LAMB3: variants seen among roughly 807,000 people sequenced by gnomAD.
LAMB3 encodes the protein laminin subunit beta 3.
Under a neutral mutation model 140.3 loss-of-function variants are expected in LAMB3, and 104 were observed. That is an observed-to-expected ratio of 0.74 (90% CI 0.63 to 0.87). The LOEUF is 0.87. Among genes scored for constraint, LAMB3 ranks in the 40% least tolerant of loss-of-function variants. LAMB3 has a pLI of 0.00. For synonymous variants in LAMB3, 592 were observed against 602.9 expected (o/e 0.98, Z 0.26); for missense variants, 1,531 against 1,575.2 (o/e 0.97, Z 0.47).
intron 13 of LAMB3, 72 bp downstream of exon 13, chr1:209,626,795 C>A: frequency 9.3e-7 from 1 of 1,080,536 alleles, no homozygotes; most frequent in Non-Finnish European, 1.4e-6. Context: ...CAGACCTACA[C>A]GCCCCCACCA....
chr1:209,626,733 G>A, intron 13 of LAMB3, 134 bp downstream of exon 13: 1 of 727,992 alleles, frequency 1.4e-6, no homozygotes, highest in Middle Eastern at 3.6e-4. Context: ...GCACTCACAG[G>A]GCTGCCCAGG....
At chr1:209,636,784 C>T (rs1301978563) in intron 5 of LAMB3, among the ~76,000 whole-genome samples, 2 of 152,202 alleles carry the variant, frequency 1.3e-5, no homozygotes, top group Middle Eastern at 3.2e-3. Context: ...CCCCTGGGTG[C>T]ACTCCCTGAC....
rs755515075 is a variant in LAMB3, at chr1:209,618,024, G to A, written c.2934C>T (p.Gly978=). The change falls in exon 20 of 23, where the codon GGC becomes GGT. Residue 978 remains glycine, a synonymous_variant. Coordinates refer to ENST00000356082, the MANE Select transcript of LAMB3 (RefSeq NM_000228.3). Reference sequence around the variant, plus strand: ...GGTTCCCAACCACATCTTCCACCTGGCCCTCCACTGCATGGGCTCGGCTCC... The same window carrying A: ...GGTTCCCAACCACATCTTCCACCTGACCCTCCACTGCATGGGCTCGGCTCC... ...EARSRAHAVE[G]QVEDVVGNLR... The A allele has an allele frequency of 1.2e-6, 2 of 1,614,014 alleles. No homozygotes were observed. The highest frequency in any genetic ancestry group is 2.2e-5 in the South Asian group (2 of 91,086).
At chr1:209,637,768 C>G in intron 5 of LAMB3, 140 bp downstream of exon 5, 1 of 741,842 alleles carries the variant, frequency 1.3e-6, no homozygotes, top group Non-Finnish European at 2.3e-6. Flanking sequence ...GGAGCGAGTC[C>G]TCTTCTGTCA....
At chr1:209,626,509 C>A (rs1281801668) in intron 13 of LAMB3, among the ~76,000 whole-genome samples, 1 of 152,238 alleles carries the variant, frequency 6.6e-6, no homozygotes, top group Non-Finnish European at 1.5e-5. Flanking sequence ...GGAAACGACA[C>A]CCTTTCCCCT....
Position 209,625,982 on chromosome 1 carries a change from T to C in LAMB3, c.1642A>G (p.Lys548Glu), listed in dbSNP as rs1039319352. ...FRGTEGPGCD[K>E]ASGRCLCRPG... is the part of the protein sequence containing the mutation. ...CGGCAGAGGCAGCGGCCTGATGCCT[T>C]GTCGCAGCCCGGGCCCTCTGTTCCC... is the stretch of plus-strand genomic sequence containing the variant. Residue 548 changes from lysine (K) to glutamate (E), a missense_variant, in exon 14 of 23, where the codon AAG (lysine) becomes GAG (glutamate). Transcript: ENST00000356082. The C allele has an allele frequency of 1.2e-5, 20 of 1,613,460 alleles. No homozygotes were observed. The highest frequency in any genetic ancestry group is 1.7e-5 in the Admixed American group (1 of 59,978).
At chr1:209,617,150 G>A (rs556785153) in intron 21 of LAMB3, among the ~76,000 whole-genome samples, 4 of 152,340 alleles carry the variant, frequency 2.6e-5, no homozygotes, top group African/African-American at 9.6e-5. Flanking sequence ...TCTTAGGCCT[G>A]TGAACGAGTC....
chr1:209,642,512 C>T (rs1015240995), intron 3 of LAMB3, among the ~76,000 whole-genome samples: 1 of 152,144 alleles, frequency 6.6e-6, no homozygotes, highest in Non-Finnish European at 1.5e-5. Context: ...GTCTCACTCT[C>T]TCACCCAGAC....
chr1:209,650,096 G>A lies in LAMB3; in HGVS notation c.51C>T (p.Ala17=). The change falls in exon 3 of 23, where the codon GCC becomes GCT. Residue 17 remains alanine (A), a synonymous_variant. Transcript: ENST00000356082. ...LCFALPGLLH[A]QQACSRGACY... Reference sequence around the variant, plus strand: ...AGGCCCCACGGGAGCAGGCTTGTTGGGCATGCAGGAGGCCAGGCAGGGCTG... The same window carrying A: ...AGGCCCCACGGGAGCAGGCTTGTTGAGCATGCAGGAGGCCAGGCAGGGCTG... 6.2e-7 allele frequency: 1 copy of A among 1,613,850 alleles called. No individual in the cohort carries two copies. The highest frequency in any genetic ancestry group is 8.5e-7 in the Non-Finnish European group (1 of 1,179,966).
Position 209,617,504 on chromosome 1 carries a change from T to A in LAMB3, c.3134A>T (p.Glu1045Val), listed in dbSNP as rs1224138447. Residue 1045 changes from glutamate to valine, a missense_variant, in exon 21 of 23, where the codon GAG becomes GTG. Transcript: ENST00000356082. Reference sequence around the variant, plus strand: ...CTGCTGCCGGGCTTGGTGGCGGAGCTCCTCCATCCGTGTCCAGAAGTCACC... The same window carrying A: ...CTGCTGCCGGGCTTGGTGGCGGAGCACCTCCATCCGTGTCCAGAAGTCACC... ...QLGDFWTRME[E>V]LRHQARQQGA... The A allele has an allele frequency of 1.2e-6, 2 of 1,613,930 alleles. No individual in the cohort carries two copies. The highest frequency in any genetic ancestry group is 8.5e-7 in the Non-Finnish European group (1 of 1,180,048).
At position 209,625,922 on chromosome 1, in the gene LAMB3, G is replaced by A. The variant is rs1571810782; in HGVS notation, c.1702C>T (p.Gln568Ter). The change falls in exon 14 of 23, where the codon CAG (glutamine) becomes TAG (stop). Residue 568 changes from glutamine (Q) to a stop codon, truncating the protein, a stop_gained. Coordinates refer to ENST00000356082, the MANE Select transcript of LAMB3 (RefSeq NM_000228.3). LOFTEE classifies it high-confidence loss of function. ...GGGTAGCGATTACAGTAGCCTCGCTGGCACTGGTCACAGCGGGGCCCGGTC... is the reference window on the plus strand; with the variant it reads ...GGGTAGCGATTACAGTAGCCTCGCTAGCACTGGTCACAGCGGGGCCCGGTC... Reference protein sequence around the residue: ...GLTGPRCDQCQRGYCNRYPVC... With the variant: ...GLTGPRCDQC 6.2e-7 allele frequency: 1 copy of A among 1,613,836 alleles called. No homozygotes were observed. Among genetic ancestry groups the A allele is most frequent in the Non-Finnish European group, 8.5e-7 (1 of 1,179,896 alleles).
chr1:209,625,055 C>T (rs1002298532), intron 14 of LAMB3, among the ~76,000 whole-genome samples: 1 of 152,210 alleles, frequency 6.6e-6, no homozygotes, highest in Non-Finnish European at 1.5e-5. Flanking sequence ...GAAGCTCTAG[C>T]ACATCGTGAG....
intron 1 of LAMB3, chr1:209,651,453 G>C (rs890124728): frequency 4.5e-5 from 8 of 178,040 alleles, no homozygotes; most frequent in Admixed American, 4.3e-4. Context: ...AGTGGCTGAC[G>C]GCCTGGAGGC....
chr1:209,623,341 G>T lies in LAMB3; in HGVS notation c.2359-162C>A. 2 of 1,017,334 alleles carry T rather than the reference G, an allele frequency of 2.0e-6. No individual in the cohort carries two copies. The highest frequency in any genetic ancestry group is 1.5e-6 in the Non-Finnish European group (1 of 657,652). The allele number at this position is 1,017,334 out of a possible 1,614,324, so 63.0% of individuals were successfully genotyped here. ...CTAAGGACCAGAAACTGGTTTCCTT[G>T]GCAACCACTGAGCTCACAGTGAGCA... On this transcript the variant is annotated intron_variant, in intron 16 of 22. Transcript: ENST00000356082. The surrounding 1 kb of genome is among the most constrained non-coding windows in gnomAD (Gnocchi z 4.2).
intron 18 of LAMB3, among the ~76,000 whole-genome samples, chr1:209,619,239 T>C (rs915646957): frequency 1.3e-5 from 2 of 152,220 alleles, no homozygotes; most frequent in African/African-American, 4.8e-5. Flanking sequence ...CCTCCCTGCC[T>C]TATCTTTCTG....
chr1:209,623,798 C>T lies in LAMB3; in HGVS notation c.2137+42G>A, dbSNP rs1390343483. The T allele has an allele frequency of 1.2e-6, 2 of 1,613,528 alleles. No individual in the cohort carries two copies. The highest frequency in any genetic ancestry group is 1.1e-5 in the South Asian group (1 of 91,084). On this transcript the variant is annotated intron_variant, in intron 15 of 22. Coordinates refer to ENST00000356082, the MANE Select transcript of LAMB3 (RefSeq NM_000228.3). The surrounding 1 kb of genome is among the most constrained non-coding windows in gnomAD (Gnocchi z 4.2). ...AGAGGGGGTGGCATGCCCACCACGG[C>T]AGTGCCCATGCCCGGGGTTATCCGG...
intron 9 of LAMB3, 176 bp downstream of exon 9, chr1:209,630,438 CA>C: frequency 1.3e-6 from 1 of 741,546 alleles, no homozygotes; most frequent in East Asian, 2.6e-5. Flanking sequence ...GGATGTCACC[CA>C]AATACTCTCT....
At chr1:209,640,892 T>C (rs1283909957) in intron 3 of LAMB3, among the ~76,000 whole-genome samples, 8 of 151,782 alleles carry the variant, frequency 5.3e-5, no homozygotes, top group East Asian at 2.0e-4. Context: ...CCATCCTGGC[T>C]AACACAGTGA....
chr1:209,619,772 C>T (rs1666122067), intron 18 of LAMB3, among the ~76,000 whole-genome samples: 1 of 152,214 alleles, frequency 6.6e-6, no homozygotes, highest in African/African-American at 2.4e-5. Context: ...CAGTTTCACT[C>T]TACAACTAGA....
Sources: gnomAD v4.1 joint callset for allele counts (sites outside exome capture counted in the v4.1 genomes callset) on GRCh38, gnomAD v4.1.1 for gene constraint, Gnocchi (gnomAD v3.1) non-coding constraint, MANE v1.5 for transcripts, NCBI Gene and HGNC (gene_info 2026-07-23, HGNC 2026-07-21) for gene names.